Variants in BEST4 observed in about 807,000 individuals in gnomAD.
BEST4 encodes bestrophin 4, also known as bestrophin-4.
In BEST4, 36 loss-of-function variants were observed where a neutral mutation model predicts 47.1. That is an observed-to-expected ratio of 0.76 (90% CI 0.59 to 1.01). BEST4 has a LOEUF of 1.01. BEST4 is among the 50% of genes least tolerant of loss of function. BEST4 has a pLI of 0.00. For synonymous variants in BEST4, 250 were observed against 277.8 expected, an observed-to-expected ratio of 0.90 and a Z score of 1.00; for missense variants, 550 against 648.6, an observed-to-expected ratio of 0.85 and a Z score of 1.65.
At position 44,784,286 on chromosome 1, in the gene BEST4, T is replaced by C. The variant is rs2148846277; in HGVS notation, c.1346A>G (p.Glu449Gly). ...GGCTGCGGCCTCGGGGTCGCCGCCC[T>C]CCTCCGCCCGGAAGCGCAGCAGATG... The part of the protein sequence containing the change: ...PPHLLRFRAE[E>G]GGDPEAAARI... Residue 449 changes from glutamate (E) to glycine (G), a missense_variant, in exon 9 of 9, where the codon GAG becomes GGG. Around this residue, in one of 3 missense-constraint regions of BEST4, gnomAD observed 255 missense variants for 286.6 expected, o/e 0.89. Coordinates refer to ENST00000372207, the MANE Select transcript of BEST4 (RefSeq NM_153274.3). The surrounding 1 kb of genome is among the most constrained non-coding windows in gnomAD (Gnocchi z 6.2). 1.4e-6 allele frequency: 2 copies of C among 1,417,562 alleles called. No individual in the cohort carries two copies. Among genetic ancestry groups the C allele is most frequent in the South Asian group, 1.5e-5 (1 of 67,038 alleles). 87.8% of individuals were successfully genotyped at this position (1,417,562 alleles called of 1,614,324 possible). A position where few individuals can be genotyped will look rare whatever the true frequency, so the allele number is the denominator to read the frequency against.
chr1:44,791,259 T>G (rs559620713), upstream of BEST4, among the ~76,000 whole-genome samples: 3 of 152,058 alleles, frequency 2.0e-5, no homozygotes, highest in Admixed American at 6.6e-5. Context: ...TGTGTCTGTG[T>G]GTGTCCAGGA....
chr1:44,787,760 T>C lies in BEST4; in HGVS notation c.-55A>G. Reference sequence around the variant, plus strand: ...AAGAGTTGCCCCCAGGGCTGTCGTTTAGTTCTCCAGACAACCTCCCTTCCA... The same window carrying C: ...AAGAGTTGCCCCCAGGGCTGTCGTTCAGTTCTCCAGACAACCTCCCTTCCA... On this transcript the variant is annotated 5_prime_UTR_variant, in exon 1 of 9. Transcript: ENST00000372207. 6 of 1,602,976 alleles carry C rather than the reference T, an allele frequency of 3.7e-6. No individual in the cohort carries two copies. The South Asian group carries it at 6.6e-5, about 18-fold the overall frequency.
chr1:44,791,505 G>A (rs969793642), upstream of BEST4, among the ~76,000 whole-genome samples: 47 of 151,902 alleles, frequency 3.1e-4, no homozygotes, highest in African/African-American at 1.1e-3. Flanking sequence ...ACCGCCACCC[G>A]CACCTGTGGC....
rs987914947 is a variant in BEST4 at position 44,785,246 on chromosome 1, C to T, written c.774G>A (p.Val258=). 4 of 1,612,772 alleles carry T rather than the reference C, an allele frequency of 2.5e-6. No individual in the cohort carries two copies. The highest frequency in any genetic ancestry group is 3.4e-6 in the Non-Finnish European group (4 of 1,179,492). The change falls in exon 6 of 9, where the codon GTG becomes GTA. Residue 258 remains valine, a synonymous_variant. Coordinates refer to ENST00000372207, the MANE Select transcript of BEST4 (RefSeq NM_153274.3). ...FALSLVGRQF[V]EPEAGAAKPQ... The stretch of plus-strand genomic sequence containing the variant: ...GTTTGGCAGCCCCTGCCTCTGGCTC[C>T]ACAAACTGGCGGCCAACCAGGGAGA...
At position 44,785,179 on chromosome 1, in the gene BEST4, G is replaced by A; in HGVS notation, c.841C>T (p.Leu281=). ...LKPGQEPAPA[L]GDPDMYVPLT... is the part of the protein sequence containing the mutation. Reference sequence around the variant, plus strand: ...GGCACGTACATGTCCGGGTCTCCCAGGGCTGGGGCTGGCTCCTGGCCTGGC... The same window carrying A: ...GGCACGTACATGTCCGGGTCTCCCAAGGCTGGGGCTGGCTCCTGGCCTGGC... The change falls in exon 6 of 9, where the codon CTG becomes TTG. Residue 281 remains leucine, a synonymous_variant. Transcript: ENST00000372207. 6.2e-7 allele frequency: 1 copy of A among 1,614,056 alleles called. No individual in the cohort carries two copies. Among genetic ancestry groups the A allele is most frequent in the Non-Finnish European group, 8.5e-7 (1 of 1,180,004 alleles).
In BEST4 at chr1:44,784,275, G is replaced by T; in HGVS notation, c.1357C>A (p.Pro453Thr). Residue 453 changes from proline to threonine, a missense_variant, in exon 9 of 9, where the codon CCC becomes ACC. Physicochemically the swap from Pro to Thr is conservative, Grantham distance 38. This residue lies in a region of BEST4 where 255 missense variants were observed against 286.6 expected (regional missense o/e 0.89). Transcript: ENST00000372207. The surrounding 1 kb of genome is among the most constrained non-coding windows in gnomAD (Gnocchi z 6.2). ...LRFRAEEGGD[P>T]EAAARIEEES... is the part of the protein sequence containing the mutation. ...TCCTCGATGCGGGCTGCGGCCTCGGGGTCGCCGCCCTCCTCCGCCCGGAAG... is the reference window on the plus strand; with the variant it reads ...TCCTCGATGCGGGCTGCGGCCTCGGTGTCGCCGCCCTCCTCCGCCCGGAAG... 1 of 1,434,352 alleles carries T rather than the reference G, an allele frequency of 7.0e-7. No individual in the cohort carries two copies. The highest frequency in any genetic ancestry group is 9.1e-7 in the Non-Finnish European group (1 of 1,104,270). The allele number at this position is 1,434,352 out of a possible 1,614,324, so 88.9% of individuals were successfully genotyped here.
rs1651251570 is a variant in BEST4 at position 44,786,680 on chromosome 1, GA to G, written c.263del (p.Leu88ProfsTer3). 6.4e-7 allele frequency: 1 copy of G among 1,550,956 alleles called. No individual in the cohort carries two copies. The highest frequency in any genetic ancestry group is 1.4e-5 in the African/African-American group (1 of 73,044). On this transcript the variant is annotated frameshift_variant, in exon 3 of 9. Coordinates refer to ENST00000372207, the MANE Select transcript of BEST4 (RefSeq NM_153274.3). LOFTEE classifies it high-confidence loss of function. The surrounding 1 kb of genome is among the most constrained non-coding windows in gnomAD (Gnocchi z 4.9). Reference protein sequence around the residue: ...LSFVLGFYVTLVVNRWWSQYT... With the variant: ...LSFVLGFYVTXVVNRWWSQYT... The stretch of plus-strand genomic sequence containing the variant: ...ACTGGGACCACCAGCGGTTCACCAC[GA>G]GAGTCACATAGAAACCTGCTTGGCC...
chr1:44,787,640 G>A lies in BEST4; in HGVS notation c.66C>T (p.Leu22=), dbSNP rs143845374. ...GCTTGTAGATGCTTCCCCTCCAGCG[G>A]AGAAGCAGGCCAGAGAAACCTCCGA... ...ARFGGFSGLL[L]RWRGSIYKLL... The change falls in exon 1 of 9, where the codon CTC becomes CTT. Residue 22 remains leucine (L), a synonymous_variant. Coordinates refer to ENST00000372207, the MANE Select transcript of BEST4 (RefSeq NM_153274.3). 3 of 1,614,116 alleles carry A rather than the reference G, an allele frequency of 1.9e-6. No individual in the cohort carries two copies. In the African/African-American group the frequency reaches 4.0e-5, roughly 22 times the overall value.
At position 44,784,376 on chromosome 1, in the gene BEST4, C is replaced by G; in HGVS notation, c.1256G>C (p.Gly419Ala). The G allele has an allele frequency of 7.1e-7, 1 of 1,399,596 alleles. No individual in the cohort carries two copies. 86.7% of individuals were successfully genotyped at this position (1,399,596 alleles called of 1,614,324 possible). Residue 419 changes from glycine to alanine, a missense_variant, in exon 9 of 9, where the codon GGG becomes GCG. Gly to Ala is a moderately conservative substitution (Grantham distance 60). Transcript: ENST00000372207. This position sits in a 1 kb window ranked among gnomAD's most constrained non-coding sequence, Gnocchi z 6.2. ...GAGGCTGATGGCCGGGGAGGGCGCC[C>G]CTACGCCCAGGAAGCGGCCGAGCAA... ...TPLLGRFLGV[G>A]APSPAISLRN...
Position 44,784,531 on chromosome 1 carries a change from G to T in BEST4, c.1149-48C>A. ...AGCCGGGGCACAGGGCGGGAGCGGG[G>T]ACGCGGGATCGGCTCTCGGGGAAGG... On this transcript the variant is annotated intron_variant, in intron 8 of 8. Coordinates refer to ENST00000372207, the MANE Select transcript of BEST4 (RefSeq NM_153274.3). The surrounding 1 kb of genome is among the most constrained non-coding windows in gnomAD (Gnocchi z 6.2). The T allele has an allele frequency of 6.7e-7, 1 of 1,502,340 alleles. No homozygotes were observed. The highest frequency in any genetic ancestry group is 8.9e-7 in the Non-Finnish European group (1 of 1,126,660). The allele number at this position is 1,502,340 out of a possible 1,614,324, so 93.1% of individuals were successfully genotyped here.
In BEST4 at chr1:44,784,568, G is replaced by T. The variant is rs746548544; in HGVS notation, c.1148+61C>A. 25 of 1,555,910 alleles carry T rather than the reference G, an allele frequency of 1.6e-5. No homozygotes were observed. Among genetic ancestry groups the T allele is most frequent in the Non-Finnish European group, 2.2e-5 (25 of 1,152,610 alleles). On this transcript the variant is annotated intron_variant, in intron 8 of 8. Coordinates refer to ENST00000372207, the MANE Select transcript of BEST4 (RefSeq NM_153274.3). This position sits in a 1 kb window ranked among gnomAD's most constrained non-coding sequence, Gnocchi z 6.2. ...GCTCTCGGGGAAGGACCGAGGCATCGGTGCCCCAGAGGCTGAGCGAGGACC... is the reference window on the plus strand; with the variant it reads ...GCTCTCGGGGAAGGACCGAGGCATCTGTGCCCCAGAGGCTGAGCGAGGACC...
rs1224608503 is a variant in BEST4 at position 44,784,124 on chromosome 1, G to T, written c.*86C>A. 1.3e-5 allele frequency: 16 copies of T among 1,264,168 alleles called. No homozygotes were observed. The East Asian group carries it at 4.4e-4, about 35-fold the overall frequency. The allele number at this position is 1,264,168 out of a possible 1,614,324, so 78.3% of individuals were successfully genotyped here. ...GCCTTCAAGGCACACAGGAAAAGCT[G>T]CTCTAATAGAGCTGGCTGGCAGGAC... is the stretch of plus-strand genomic sequence containing the variant. On this transcript the variant is annotated 3_prime_UTR_variant, in exon 9 of 9. Coordinates refer to ENST00000372207, the MANE Select transcript of BEST4 (RefSeq NM_153274.3). This position sits in a 1 kb window ranked among gnomAD's most constrained non-coding sequence, Gnocchi z 6.2.
At chr1:44,792,440 A>G (rs1651436781), upstream of BEST4, among the ~76,000 whole-genome samples, 1 of 151,704 alleles carries the variant, frequency 6.6e-6, no homozygotes, top group Non-Finnish European at 1.5e-5. Flanking sequence ...AAAAAAAAAA[A>G]AAAAATTCCC....
upstream of BEST4, among the ~76,000 whole-genome samples, chr1:44,790,753 T>A (rs978824582): frequency 7.9e-5 from 12 of 151,100 alleles, no homozygotes; most frequent in East Asian, 7.8e-4. Flanking sequence ...CTACAAAAAA[T>A]TTTTTTAAAT....
rs758144669 is a variant in BEST4 at position 44,786,065 on chromosome 1, C to T, written c.636+9G>A. Reference sequence around the variant, plus strand: ...GAGGGCAGATGGGTCTGGTCCTGAGCCCACTCACTTCCAAAAGTAGACAGA... The same window carrying T: ...GAGGGCAGATGGGTCTGGTCCTGAGTCCACTCACTTCCAAAAGTAGACAGA... On this transcript the variant is annotated intron_variant, in intron 4 of 8. Coordinates refer to ENST00000372207, the MANE Select transcript of BEST4 (RefSeq NM_153274.3). The surrounding 1 kb of genome is among the most constrained non-coding windows in gnomAD (Gnocchi z 4.9). 6.4e-5 allele frequency: 102 copies of T among 1,595,156 alleles called. No homozygotes were observed. In the Admixed American group the frequency reaches 1.8e-3, roughly 28 times the overall value.
In BEST4 at chr1:44,786,300, G is replaced by A; in HGVS notation, c.482-72C>T. The A allele has an allele frequency of 6.6e-7, 1 of 1,516,402 alleles. No individual in the cohort carries two copies. The highest frequency in any genetic ancestry group is 8.9e-7 in the Non-Finnish European group (1 of 1,127,052). The allele number at this position is 1,516,402 out of a possible 1,614,324, so 93.9% of individuals were successfully genotyped here. Reference sequence around the variant, plus strand: ...GGGGAGGCTGCTGTTCCGCCGTCTGGCTCCCCTCCCTCGCGTCCACCGGCT... The same window carrying A: ...GGGGAGGCTGCTGTTCCGCCGTCTGACTCCCCTCCCTCGCGTCCACCGGCT... On this transcript the variant is annotated intron_variant, in intron 3 of 8. Transcript: ENST00000372207. The surrounding 1 kb of genome is among the most constrained non-coding windows in gnomAD (Gnocchi z 4.9).
chr1:44,789,253 AAAAAAG>A (rs1184095615), upstream of BEST4, among the ~76,000 whole-genome samples: 18 of 145,174 alleles, frequency 1.2e-4, no homozygotes, highest in Non-Finnish European at 1.2e-4. Flanking sequence ...AAAAAAAAAA[AAAAAAG>A]AAAAGAAAGA....
At chr1:44,791,306 C>T (rs929779327), upstream of BEST4, among the ~76,000 whole-genome samples, 1 of 151,922 alleles carries the variant, frequency 6.6e-6, no homozygotes, top group Non-Finnish European at 1.5e-5. Flanking sequence ...GCTCCTGGGC[C>T]TCAGGCATCA....
At position 44,785,610 on chromosome 1, in the gene BEST4, C is replaced by T. The variant is rs375067026; in HGVS notation, c.703G>A (p.Val235Ile). Residue 235 changes from valine (V) to isoleucine (I), a missense_variant, in exon 5 of 9, where the codon GTC becomes ATC. Transcript: ENST00000372207. The stretch of plus-strand genomic sequence containing the variant: ...GGAGAGGCAGTTACTTGGGTGTAGA[C>T]GAGGGGGATGCTGATCCAGTCATAG... ...FHYDWISIPLVYTQVVTIAVY... is the reference protein window; with the variant it reads ...FHYDWISIPLIYTQVVTIAVY... 7 of 1,473,714 alleles carry T rather than the reference C, an allele frequency of 4.7e-6. No homozygotes were observed. The highest frequency in any genetic ancestry group is 5.4e-6 in the Non-Finnish European group (6 of 1,108,022). The allele number at this position is 1,473,714 out of a possible 1,614,324, so 91.3% of individuals were successfully genotyped here.
Sources: allele counts gnomAD v4.1 joint callset (sites outside exome capture counted in the v4.1 genomes callset), GRCh38; gene constraint gnomAD v4.1.1; regional missense constraint gnomAD v4.1.1; non-coding constraint Gnocchi (gnomAD v3.1); transcripts MANE v1.5; gene names NCBI Gene and HGNC (gene_info 2026-07-23, HGNC 2026-07-21).